The following CA8 variants were observed in gnomAD, a reference collection of about 807,000 sequenced individuals.
The protein encoded by CA8 is carbonic anhydrase-related protein.
CA8 carries 22 observed loss-of-function variants against 41.4 expected under a neutral mutation model. The ratio of observed to expected loss-of-function variants is 0.53; its 90% CI spans 0.38 to 0.76. The LOEUF is 0.76. Among genes scored for constraint, CA8 ranks in the 30% least tolerant of loss-of-function variants. The probability of loss-of-function intolerance (pLI) is 0.00; values close to 1 mark genes in which losing one functional copy is unlikely to be tolerated. For missense variants in CA8, 270 were observed against 352.8 expected (o/e 0.77, Z 1.88); for synonymous variants, 121 against 130.6 (o/e 0.93, Z 0.50).
intron 3 of CA8, among the ~76,000 whole-genome samples, chr8:60,240,919 T>C (rs1309385031): frequency 6.7e-6 from 1 of 150,170 alleles, no homozygotes; most frequent in East Asian, 1.9e-4. Flanking sequence ...ATACTGGAAA[T>C]TGAAAGAAAG....
chr8:60,249,189 A>G (rs1000198965), intron 3 of CA8, among the ~76,000 whole-genome samples: 6 of 152,172 alleles, frequency 3.9e-5, no homozygotes, highest in Non-Finnish European at 8.8e-5. Flanking sequence ...CTTAGAGGTA[A>G]CGTAGCCATC....
intron 7 of CA8, among the ~76,000 whole-genome samples, chr8:60,220,332 C>G (rs536516124): frequency 6.6e-6 from 1 of 152,112 alleles, no homozygotes; most frequent in South Asian, 2.1e-4. Context: ...GAGGAGGATA[C>G]TAAAACCAGA....
intron 8 of CA8, among the ~76,000 whole-genome samples, chr8:60,190,957 T>TATAC (rs1554573722): frequency 3.8e-5 from 4 of 104,192 alleles, no homozygotes; most frequent in African/African-American, 1.4e-4. Context: ...TATATATATA[T>TATAC]ACACACACAC....
At chr8:60,233,733 T>A (rs1807738568) in intron 3 of CA8, among the ~76,000 whole-genome samples, 1 of 152,238 alleles carries the variant, frequency 6.6e-6, no homozygotes, top group Non-Finnish European at 1.5e-5. Flanking sequence ...TAAATTTTTA[T>A]TCCACAAATT....
At chr8:60,203,369 C>T (rs11989581) in intron 8 of CA8, among the ~76,000 whole-genome samples, 161 of 152,254 alleles carry the variant, frequency 1.1e-3, no homozygotes, top group African/African-American at 3.4e-3. Flanking sequence ...TACTCTTACA[C>T]GGTCTAATAT....
rs552110151 is a variant in CA8 at position 60,274,325 on chromosome 8, A to C, written c.292+5364T>G. On this transcript the variant is annotated intron_variant, in intron 2 of 8. Transcript: ENST00000317995. ...ATGAACAAGACTGGAGAACAAGAGC[A>C]AAAGAGAAATGCCCAAAATAATGGG... 4.6e-5 allele frequency among the ~76,000 whole-genome samples: 7 copies of C among 152,348 alleles called. No individual in the cohort carries two copies. The East Asian group carries it at 1.4e-3, about 29-fold the overall frequency.
chr8:60,236,923 G>A (rs1227048979), intron 3 of CA8, among the ~76,000 whole-genome samples: 1 of 152,156 alleles, frequency 6.6e-6, no homozygotes, highest in Non-Finnish European at 1.5e-5. Flanking sequence ...CGATGAAGTG[G>A]CCTGCAGTAC....
chr8:60,235,432 T>C (rs1328240139), intron 3 of CA8, among the ~76,000 whole-genome samples: 1 of 152,204 alleles, frequency 6.6e-6, no homozygotes, highest in Non-Finnish European at 1.5e-5. Flanking sequence ...GTGCTAGGAA[T>C]TGGCACTTCA....
chr8:60,204,372 ATTC>A (rs577094655), intron 8 of CA8, among the ~76,000 whole-genome samples: 165 of 152,352 alleles, frequency 1.1e-3, no homozygotes, highest in African/African-American at 3.5e-3. Context: ...ACTGCAAAAC[ATTC>A]TTCCTCCCAA....
chr8:60,241,253 T>C lies in CA8; in HGVS notation c.418-8874A>G, dbSNP rs142672488. 3.4e-3 allele frequency among the ~76,000 whole-genome samples: 524 copies of C among 152,346 alleles called. 5 individuals are homozygous for C. The highest frequency in any genetic ancestry group is 0.03 in the South Asian group (145 of 4,830). On this transcript the variant is annotated intron_variant, in intron 3 of 8. Coordinates refer to ENST00000317995, the MANE Select transcript of CA8 (RefSeq NM_004056.6). ...ATACTGTAAAGCATGGAATGGAACA[T>C]AAATTATTCGAAATTCTATCTCTAG...
chr8:60,280,994 C>T (rs1212071317), intron 1 of CA8, 54 bp downstream of exon 1: 10 of 1,348,264 alleles, frequency 7.4e-6, no homozygotes, highest in African/African-American at 1.4e-5. Context: ...CCGCGCTCGG[C>T]GAGACACTGA....
Position 60,269,912 on chromosome 8 carries a change from A to G in CA8, c.293-3863T>C, listed in dbSNP as rs555467719. On this transcript the variant is annotated intron_variant, in intron 2 of 8. Coordinates refer to ENST00000317995, the MANE Select transcript of CA8 (RefSeq NM_004056.6). The stretch of plus-strand genomic sequence containing the variant: ...AATAACAAGCATGAATCATAAAGTC[A>G]GGTAAGATGTTCCCCAGAAGATACC... Among the ~76,000 whole-genome samples the G allele has an allele frequency of 2.0e-4, 30 of 152,382 alleles. 1 individual carries two copies. In the South Asian group the frequency reaches 6.2e-3, roughly 32 times the overall value.
rs1408520735 is a variant in CA8, at chr8:60,232,272, C to A, written c.513+12G>T. On this transcript the variant is annotated intron_variant, in intron 4 of 8. Coordinates refer to ENST00000317995, the MANE Select transcript of CA8 (RefSeq NM_004056.6). ...TCTCTAAACAATACGATAATCACAG[C>A]AGACCGTTTACCTGAACAAACAGAG... is the stretch of plus-strand genomic sequence containing the variant. 6.3e-7 allele frequency: 1 copy of A among 1,594,604 alleles called. No individual in the cohort carries two copies. The highest frequency in any genetic ancestry group is 8.6e-7 in the Non-Finnish European group (1 of 1,162,302).
intron 8 of CA8, among the ~76,000 whole-genome samples, chr8:60,191,349 C>A (rs1051185652): frequency 6.6e-6 from 1 of 151,968 alleles, no homozygotes; most frequent in Non-Finnish European, 1.5e-5. Flanking sequence ...TGTAAAATCA[C>A]ACCAATTCAG....
intron 3 of CA8, among the ~76,000 whole-genome samples, chr8:60,262,581 AG>A (rs1210132909): frequency 2.2e-4 from 34 of 152,242 alleles, no homozygotes; most frequent in African/African-American, 7.0e-4. Flanking sequence ...TGCTGGGTGC[AG>A]TGGCACACAA....
intron 8 of CA8, among the ~76,000 whole-genome samples, chr8:60,205,678 T>G (rs1396874489): frequency 1.3e-5 from 2 of 152,194 alleles, no homozygotes; most frequent in Non-Finnish European, 2.9e-5. Flanking sequence ...ACTTCTTAAA[T>G]GGTAATATAA....
intron 3 of CA8, among the ~76,000 whole-genome samples, chr8:60,261,759 T>C (rs986632646): frequency 1.3e-5 from 2 of 152,202 alleles, no homozygotes; most frequent in Non-Finnish European, 2.9e-5. Context: ...TCGCCCAGGC[T>C]GGAGTGCAGT....
At chr8:60,238,132 C>G (rs561419859) in intron 3 of CA8, among the ~76,000 whole-genome samples, 1 of 152,324 alleles carries the variant, frequency 6.6e-6, no homozygotes, top group East Asian at 1.9e-4. Context: ...ACTTAACTCA[C>G]AGAATAGATA....
chr8:60,224,091 T>C (rs1807341795), intron 6 of CA8, among the ~76,000 whole-genome samples: 1 of 152,184 alleles, frequency 6.6e-6, no homozygotes, highest in Non-Finnish European at 1.5e-5. Context: ...TTTGTTCGTT[T>C]GTTTGTTTGA....
Sources: allele counts gnomAD v4.1 joint callset (sites outside exome capture counted in the v4.1 genomes callset), GRCh38; gene constraint gnomAD v4.1.1; transcripts MANE v1.5; gene names NCBI Gene and HGNC (gene_info 2026-07-23, HGNC 2026-07-21).